Variants in VEGFC observed in about 807,000 individuals in gnomAD.
VEGFC encodes the protein FLT4 ligand DHM.
VEGFC carries 12 observed loss-of-function variants against 46.1 expected under a neutral mutation model. The observed-to-expected ratio is 0.26, with a 90% confidence interval of 0.17 to 0.42. The LOEUF is 0.42. Among genes scored for constraint, VEGFC ranks in the 10% least tolerant of loss-of-function variants. The probability of loss-of-function intolerance (pLI) is 1.00; values close to 1 mark genes in which losing one functional copy is unlikely to be tolerated. For missense variants in VEGFC, 488 were observed against 529.4 expected (o/e 0.92, Z 0.77); for synonymous variants, 232 against 195.5 (o/e 1.19, Z -1.56).
Position 176,683,705 on chromosome 4 carries a change from T to C in VEGFC, c.*221A>G, listed in dbSNP as rs940952848. 5.4e-6 allele frequency: 2 copies of C among 367,852 alleles called. No homozygotes were observed. The highest frequency in any genetic ancestry group is 9.7e-6 in the Non-Finnish European group (2 of 206,184). The allele number at this position is 367,852 out of a possible 1,614,324, so 22.8% of individuals were successfully genotyped here. A position where few individuals can be genotyped will look rare whatever the true frequency, so the allele number is the denominator to read the frequency against. On this transcript the variant is annotated 3_prime_UTR_variant, in exon 7 of 7. Coordinates refer to ENST00000618562, the MANE Select transcript of VEGFC (RefSeq NM_005429.5). ...TTTTAAAGAAATCACAAGAGGAAAATCTTGGCTGTTTGGTCATTGGCAGAA... is the reference window on the plus strand; with the variant it reads ...TTTTAAAGAAATCACAAGAGGAAAACCTTGGCTGTTTGGTCATTGGCAGAA...
rs115535117 is a variant in VEGFC, at chr4:176,739,130, C to A, written c.148-9384G>T. ...TACCATCTTATTCCAATCAGAATGG[C>A]TATTATTAAGAAGTCAAAAAACAAC... On this transcript the variant is annotated intron_variant, in intron 1 of 6. Transcript: ENST00000618562. Among the ~76,000 whole-genome samples, 1,457 of 151,924 alleles carry A rather than the reference C, an allele frequency of 9.6e-3. 12 individuals carry two copies. Among genetic ancestry groups the A allele is most frequent in the Non-Finnish European group, 0.016 (1,097 of 67,904 alleles).
intron 1 of VEGFC, among the ~76,000 whole-genome samples, chr4:176,771,083 T>C (rs1295212567): frequency 3.3e-5 from 5 of 152,132 alleles, no homozygotes; most frequent in African/African-American, 1.2e-4. Flanking sequence ...AATTAAATTC[T>C]ACTTTGAAAA....
chr4:176,789,344 A>G (rs1029122851), intron 1 of VEGFC, among the ~76,000 whole-genome samples: 1 of 152,250 alleles, frequency 6.6e-6, no homozygotes, highest in African/African-American at 2.4e-5. Flanking sequence ...GCTTTCTATG[A>G]AGCAATTTTG....
intron 4 of VEGFC, among the ~76,000 whole-genome samples, chr4:176,706,355 G>A (rs539755472): frequency 2.0e-5 from 3 of 152,156 alleles, no homozygotes; most frequent in East Asian, 1.9e-4. Flanking sequence ...TTGGCTGGGC[G>A]TGGTGGCTCA....
chr4:176,705,126 A>G (rs1734506807), intron 4 of VEGFC, among the ~76,000 whole-genome samples: 1 of 152,214 alleles, frequency 6.6e-6, no homozygotes, highest in Admixed American at 6.6e-5. Flanking sequence ...GAATTATATT[A>G]TTCATTTAAA....
intron 3 of VEGFC, among the ~76,000 whole-genome samples, chr4:176,713,334 C>G (rs1174105913): frequency 6.6e-6 from 1 of 152,030 alleles, no homozygotes; most frequent in Non-Finnish European, 1.5e-5. Context: ...ACTATATATA[C>G]CTATTTTAAG....
At chr4:176,728,414 G>A (rs1734907991) in intron 2 of VEGFC, among the ~76,000 whole-genome samples, 1 of 152,122 alleles carries the variant, frequency 6.6e-6, no homozygotes, top group South Asian at 2.1e-4. Flanking sequence ...TTGCATATGA[G>A]AAGACAGCTA....
intron 3 of VEGFC, among the ~76,000 whole-genome samples, chr4:176,725,532 G>C (rs1183797506): frequency 6.6e-6 from 1 of 152,122 alleles, no homozygotes; most frequent in Non-Finnish European, 1.5e-5. Flanking sequence ...AGATTATGAA[G>C]AAAGGAAATG....
intron 1 of VEGFC, among the ~76,000 whole-genome samples, chr4:176,784,504 T>G (rs1735967478): frequency 6.6e-6 from 1 of 151,520 alleles, no homozygotes; most frequent in Non-Finnish European, 1.5e-5. Context: ...TCCCAGCACT[T>G]TGGGAGGCCG....
In VEGFC at chr4:176,792,178, G is replaced by A; in HGVS notation, c.134C>T (p.Ala45Val). 1 of 1,517,424 alleles carries A rather than the reference G, an allele frequency of 6.6e-7. No individual in the cohort carries two copies. The allele number at this position is 1,517,424 out of a possible 1,614,324, so 94.0% of individuals were successfully genotyped here. ...GLDLSDAEPD[A>V]GEATAYASKD... ...ACGCAGACCTACCGTGGCCTCGCCC[G>A]CGTCGGGCTCCGCGTCCGAGAGGTC... is the stretch of plus-strand genomic sequence containing the variant. Residue 45 changes from alanine to valine, a missense_variant, in exon 1 of 7, where the codon GCG becomes GTG. Ala to Val is a moderately conservative substitution (Grantham distance 64). Coordinates refer to ENST00000618562, the MANE Select transcript of VEGFC (RefSeq NM_005429.5). This position sits in a 1 kb window ranked among gnomAD's most constrained non-coding sequence, Gnocchi z 6.3.
At chr4:176,718,514 C>T (rs1734731493) in intron 3 of VEGFC, among the ~76,000 whole-genome samples, 2 of 152,022 alleles carry the variant, frequency 1.3e-5, no homozygotes, top group Admixed American at 1.3e-4. Flanking sequence ...TTATTGATTG[C>T]TCATATTATT....
chr4:176,788,509 C>T (rs1736039325), intron 1 of VEGFC, among the ~76,000 whole-genome samples: 1 of 152,188 alleles, frequency 6.6e-6, no homozygotes. Flanking sequence ...AACATACATG[C>T]TTCTCGATTT....
intron 1 of VEGFC, among the ~76,000 whole-genome samples, chr4:176,732,622 T>A (rs1734986422): frequency 6.6e-6 from 1 of 151,492 alleles, no homozygotes; most frequent in African/African-American, 2.4e-5. Context: ...TGAAAGTGGA[T>A]GGAAAGGCCT....
chr4:176,757,270 T>C (rs1735448432), intron 1 of VEGFC, among the ~76,000 whole-genome samples: 1 of 152,072 alleles, frequency 6.6e-6, no homozygotes, highest in East Asian at 1.9e-4. Flanking sequence ...TGTGTACTTG[T>C]CTTCAATTCC....
At chr4:176,692,970 C>G (rs1046012047) in intron 4 of VEGFC, among the ~76,000 whole-genome samples, 6 of 150,294 alleles carry the variant, frequency 4.0e-5, no homozygotes, top group African/African-American at 1.5e-4. Context: ...ACCGAAAACC[C>G]ATCTGTACAT....
chr4:176,693,190 G>A (rs956611056), intron 4 of VEGFC, among the ~76,000 whole-genome samples: 1 of 151,120 alleles, frequency 6.6e-6, no homozygotes, highest in Admixed American at 6.6e-5. Flanking sequence ...AGCTACAGGA[G>A]GACATTCAAA....
At chr4:176,743,205 G>C (rs1005895616) in intron 1 of VEGFC, among the ~76,000 whole-genome samples, 1 of 151,948 alleles carries the variant, frequency 6.6e-6, no homozygotes, top group African/African-American at 2.4e-5. Context: ...TGTGTCCTGT[G>C]ATAGGCCATC....
At chr4:176,745,166 G>C (rs192536601) in intron 1 of VEGFC, among the ~76,000 whole-genome samples, 1 of 152,040 alleles carries the variant, frequency 6.6e-6, no homozygotes, top group African/African-American at 2.4e-5. Context: ...AATCCCTTGG[G>C]AGGCTTTATC....
At chr4:176,784,019 T>C (rs2110949472) in intron 1 of VEGFC, among the ~76,000 whole-genome samples, 1 of 151,788 alleles carries the variant, frequency 6.6e-6, no homozygotes, top group East Asian at 1.9e-4. Flanking sequence ...AAGCTTACTA[T>C]ATGCCAATCA....
Sources: allele counts gnomAD v4.1 joint callset (sites outside exome capture counted in the v4.1 genomes callset), GRCh38; gene constraint gnomAD v4.1.1; non-coding constraint Gnocchi (gnomAD v3.1); transcripts MANE v1.5; gene names NCBI Gene and HGNC (gene_info 2026-07-23, HGNC 2026-07-21).